The following KCNIP4 variants were observed in gnomAD, a reference collection of about 807,000 sequenced individuals.
KCNIP4 encodes Kv channel-interacting protein 4.
KCNIP4 carries 12 observed loss-of-function variants against 34.0 expected under a neutral mutation model. That is an observed-to-expected ratio of 0.35 (90% CI 0.23 to 0.57). The LOEUF (loss-of-function observed/expected upper bound fraction) is 0.57. Ranked by LOEUF, KCNIP4 falls within the 20% of genes least tolerant of loss-of-function variation. The pLI, the probability that KCNIP4 is intolerant of heterozygous loss-of-function variation, is 0.83. For missense variants in KCNIP4, 238 were observed against 311.7 expected (o/e 0.76, Z 1.78); for synonymous variants, 124 against 102.2 (o/e 1.21, Z -1.29).
At chr4:20,816,532 A>G (rs1228322485) in intron 3 of KCNIP4, among the ~76,000 whole-genome samples, 1 of 152,194 alleles carries the variant, frequency 6.6e-6, no homozygotes, top group Non-Finnish European at 1.5e-5. Flanking sequence ...GGTATCTGGC[A>G]CAACTCGCAT....
rs116871252 is a variant in KCNIP4 at position 21,024,903 on chromosome 4, T to A, written c.62-142194A>T. ...TAAAGTGTCCAACCCTTCATCAAAT[T>A]TTTTTCATTGATTAATTTTACAAAT... is the stretch of plus-strand genomic sequence containing the variant. On this transcript the variant is annotated intron_variant, in intron 1 of 8. Transcript: ENST00000382152. Among the ~76,000 whole-genome samples, 74 of 152,298 alleles carry A rather than the reference T, an allele frequency of 4.9e-4. 1 individual carries two copies. The East Asian group carries it at 0.014, about 28-fold the overall frequency.
intron 1 of KCNIP4, among the ~76,000 whole-genome samples, chr4:21,124,044 A>AG (rs1553941925): frequency 1.0e-4 from 6 of 59,806 alleles, no homozygotes; most frequent in African/African-American, 5.7e-4. Flanking sequence ...AAAAAACAAC[A>AG]AAAAAAAAAC....
At chr4:21,262,275 A>G (rs1022170210) in intron 1 of KCNIP4, among the ~76,000 whole-genome samples, 18 of 151,946 alleles carry the variant, frequency 1.2e-4, no homozygotes, top group African/African-American at 4.4e-4. Flanking sequence ...TGCTTTCAAT[A>G]CTCTGCTCAT....
chr4:21,872,838 T>C (rs1165556374), intron 1 of KCNIP4, among the ~76,000 whole-genome samples: 1 of 152,210 alleles, frequency 6.6e-6, no homozygotes, highest in Non-Finnish European at 1.5e-5. Context: ...ATGGCAAATA[T>C]AGTATTAACT....
At chr4:21,125,526 T>C (rs1042279374) in intron 1 of KCNIP4, among the ~76,000 whole-genome samples, 2 of 152,126 alleles carry the variant, frequency 1.3e-5, no homozygotes, top group African/African-American at 4.8e-5. Context: ...ATCAGGGCTT[T>C]ATTAACACAG....
At chr4:21,108,581 G>A (rs1318705751) in intron 1 of KCNIP4, among the ~76,000 whole-genome samples, 1 of 151,612 alleles carries the variant, frequency 6.6e-6, no homozygotes, top group Non-Finnish European at 1.5e-5. Context: ...ATCATCTGAA[G>A]CCATCTTCTC....
intron 1 of KCNIP4, among the ~76,000 whole-genome samples, chr4:21,257,586 T>TA (rs1761147842): frequency 6.6e-6 from 1 of 151,590 alleles, no homozygotes; most frequent in Non-Finnish European, 1.5e-5. Flanking sequence ...TGTCCTCTAC[T>TA]AAAAAATACA....
intron 3 of KCNIP4, among the ~76,000 whole-genome samples, chr4:20,831,426 G>A (rs958610286): frequency 3.3e-5 from 5 of 152,136 alleles, no homozygotes; most frequent in African/African-American, 1.2e-4. Context: ...TGCACATCAG[G>A]AGGCAATGTA....
chr4:21,831,471 T>A (rs550181220), intron 1 of KCNIP4, among the ~76,000 whole-genome samples: 22 of 151,748 alleles, frequency 1.4e-4, no homozygotes, highest in Middle Eastern at 6.8e-3. Context: ...GGAATCACAC[T>A]TAACAACTGA....
intron 1 of KCNIP4, among the ~76,000 whole-genome samples, chr4:21,641,676 T>C (rs186845370): frequency 3.2e-4 from 49 of 152,282 alleles, no homozygotes; most frequent in Non-Finnish European, 6.5e-4. Context: ...GAGGAGGGAC[T>C]TTAATAATCA....
intron 1 of KCNIP4, among the ~76,000 whole-genome samples, chr4:21,674,421 T>G (rs1749732250): frequency 6.6e-6 from 1 of 152,212 alleles, no homozygotes; most frequent in Non-Finnish European, 1.5e-5. Flanking sequence ...GAGGTAATAG[T>G]GTATGGCGAT....
chr4:20,949,756 T>G (rs1377879559), intron 1 of KCNIP4, among the ~76,000 whole-genome samples: 1 of 148,658 alleles, frequency 6.7e-6, no homozygotes. Context: ...ACTATCGCAA[T>G]AACAAAAAAC....
At chr4:21,552,197 G>T (rs997883478) in intron 1 of KCNIP4, among the ~76,000 whole-genome samples, 1 of 151,876 alleles carries the variant, frequency 6.6e-6, no homozygotes, top group Non-Finnish European at 1.5e-5. Flanking sequence ...TGCTTCCCCA[G>T]GTTACATTCA....
chr4:21,570,273 G>A (rs566845908), intron 1 of KCNIP4, among the ~76,000 whole-genome samples: 48 of 152,236 alleles, frequency 3.2e-4, no homozygotes, highest in African/African-American at 1.1e-3. Flanking sequence ...AGGTAAAAGA[G>A]GCAGAGATGT....
At chr4:21,156,132 CAG>C (rs1273619852) in intron 1 of KCNIP4, among the ~76,000 whole-genome samples, 1 of 152,100 alleles carries the variant, frequency 6.6e-6, no homozygotes, top group African/African-American at 2.4e-5. Context: ...TGGTATTTGA[CAG>C]ATGTTACAGA....
At chr4:21,795,827 G>C (rs1720588377) in intron 1 of KCNIP4, among the ~76,000 whole-genome samples, 1 of 152,240 alleles carries the variant, frequency 6.6e-6, no homozygotes, top group South Asian at 2.1e-4. Context: ...CAGCACTTTG[G>C]GAGGCTGAGG....
At chr4:21,277,921 T>C (rs1762537021) in intron 1 of KCNIP4, among the ~76,000 whole-genome samples, 2 of 151,980 alleles carry the variant, frequency 1.3e-5, no homozygotes, top group Non-Finnish European at 2.9e-5. Flanking sequence ...ACAGAAAAAA[T>C]AAAATAGGTT....
intron 1 of KCNIP4, among the ~76,000 whole-genome samples, chr4:21,139,352 C>T (rs1751755318): frequency 6.6e-6 from 1 of 152,202 alleles, no homozygotes. Context: ...TTATATCAGT[C>T]AGAAGTACTT....
chr4:21,592,833 A>G (rs1231536980), intron 1 of KCNIP4, among the ~76,000 whole-genome samples: 1 of 151,868 alleles, frequency 6.6e-6, no homozygotes, highest in Admixed American at 6.6e-5. Context: ...CACATAAAAT[A>G]TTTTTTTTGG....
Sources: allele counts gnomAD v4.1 joint callset (sites outside exome capture counted in the v4.1 genomes callset), GRCh38; gene constraint gnomAD v4.1.1; transcripts MANE v1.5; gene names NCBI Gene and HGNC (gene_info 2026-07-23, HGNC 2026-07-21).